The following AGPS variants were observed in gnomAD, a reference collection of about 807,000 sequenced individuals.
AGPS encodes alkylglycerone phosphate synthase.
AGPS carries 26 observed loss-of-function variants against 90.7 expected under a neutral mutation model. The ratio of observed to expected loss-of-function variants is 0.29; its 90% CI spans 0.21 to 0.40. The LOEUF is 0.40. Among genes scored for constraint, AGPS ranks in the 10% least tolerant of loss-of-function variants. The pLI is 1.00. For missense variants in AGPS, 540 were observed against 816.1 expected, an observed-to-expected ratio of 0.66 and a Z score of 4.12; for synonymous variants, 294 against 285.3, an observed-to-expected ratio of 1.03 and a Z score of -0.31.
chr2:177,393,627 A>G (rs1574333526), intron 1 of AGPS: 5 of 959,940 alleles, frequency 5.2e-6, no homozygotes, highest in East Asian at 2.3e-4. Context: ...AACACTAGCT[A>G]GTGGTTTAAG....
intron 17 of AGPS, among the ~76,000 whole-genome samples, chr2:177,518,509 A>G (rs1029172016): frequency 1.3e-5 from 2 of 152,102 alleles, no homozygotes; most frequent in Non-Finnish European, 2.9e-5. Context: ...TTCTTATATC[A>G]TCTCCTAATC....
chr2:177,451,870 T>C (rs939014163), intron 8 of AGPS, among the ~76,000 whole-genome samples: 5 of 152,152 alleles, frequency 3.3e-5, no homozygotes, highest in Admixed American at 2.0e-4. Flanking sequence ...ATGCCACCAA[T>C]TTTGATATGT....
intron 10 of AGPS, among the ~76,000 whole-genome samples, chr2:177,471,814 C>T (rs1033329587): frequency 3.9e-5 from 6 of 152,110 alleles, no homozygotes; most frequent in African/African-American, 1.4e-4. Flanking sequence ...GTGAATATAC[C>T]TTTTGGTCAT....
At chr2:177,414,125 A>G (rs1685717609) in intron 1 of AGPS, among the ~76,000 whole-genome samples, 1 of 150,988 alleles carries the variant, frequency 6.6e-6, no homozygotes, top group South Asian at 2.1e-4. Flanking sequence ...TTTTTCTTTC[A>G]CTCATTTATT....
rs1688022137 is a variant in AGPS, at chr2:177,483,997, A to C, written c.1233+1811A>C. On this transcript the variant is annotated intron_variant, in intron 11 of 19. Transcript: ENST00000264167. ...CCTATGAATTAATACATAAAAGAAC[A>C]GGAAGCTAGGGTGTTTTTTTTTTTT... Among the ~76,000 whole-genome samples the C allele has an allele frequency of 2.7e-5, 3 of 110,186 alleles. No homozygotes were observed. In the Admixed American group the frequency reaches 3.3e-4, roughly 12 times the overall value. 72.3% of individuals were successfully genotyped at this position (110,186 alleles called of 152,430 possible). A position where few individuals can be genotyped will look rare whatever the true frequency, so the allele number is the denominator to read the frequency against.
intron 1 of AGPS, among the ~76,000 whole-genome samples, chr2:177,408,513 C>T (rs1395071452): frequency 2.0e-5 from 3 of 152,120 alleles, no homozygotes; most frequent in Non-Finnish European, 4.4e-5. Flanking sequence ...TCCAGATAGT[C>T]CTTTGTAAGA....
chr2:177,488,302 T>A (rs1271768294), intron 11 of AGPS, among the ~76,000 whole-genome samples: 1 of 151,712 alleles, frequency 6.6e-6, no homozygotes, highest in Non-Finnish European at 1.5e-5. Flanking sequence ...AAGCTCCACC[T>A]CCCAGGTTCA....
At chr2:177,496,624 T>C (rs1688420507) in intron 12 of AGPS, among the ~76,000 whole-genome samples, 1 of 152,150 alleles carries the variant, frequency 6.6e-6, no homozygotes, top group African/African-American at 2.4e-5. Flanking sequence ...ATAGCATAGA[T>C]ATCTAATTCT....
In AGPS at chr2:177,493,145, C is replaced by A. The variant is rs774372584; in HGVS notation, c.1234-3C>A. On this transcript the variant is annotated splice_polypyrimidine_tract_variant and splice_region_variant and intron_variant, in intron 11 of 19. Coordinates refer to ENST00000264167, the MANE Select transcript of AGPS (RefSeq NM_003659.4). Reference sequence around the variant, plus strand: ...ATCACTTTTTTTTTTCTTTTTAAAACAGAGATGTGCTCCGGCATCTATTCG... The same window carrying A: ...ATCACTTTTTTTTTTCTTTTTAAAAAAGAGATGTGCTCCGGCATCTATTCG... The A allele has an allele frequency of 1.9e-6, 3 of 1,610,394 alleles. No individual in the cohort carries two copies. The East Asian group carries it at 6.7e-5, about 36-fold the overall frequency.
intron 10 of AGPS, 130 bp downstream of exon 10, chr2:177,468,654 A>G (rs1294204029): frequency 2.9e-6 from 2 of 682,536 alleles, no homozygotes; most frequent in Non-Finnish European, 4.9e-6. Context: ...TTAAATTTTT[A>G]TCATTTTAAG....
Position 177,392,855 on chromosome 2 carries a change from A to AGCGGACCGGGACCGGGACCCGGAC in AGPS, c.67_90dup (p.Ala23_Asp30dup). 6.4e-7 allele frequency: 1 copy of AGCGGACCGGGACCGGGACCCGGAC among 1,553,778 alleles called. No homozygotes were observed. Among genetic ancestry groups the AGCGGACCGGGACCGGGACCCGGAC allele is most frequent in the East Asian group, 2.4e-5 (1 of 41,184 alleles). ...GCGCGGGCGCGAGCTACGGGTCTGC[A>AGCGGACCGGGACCGGGACCCGGAC]GCGGACCGGGACCGGGACCCGGACC... On this transcript the variant is annotated inframe_insertion, in exon 1 of 20. Coordinates refer to ENST00000264167, the MANE Select transcript of AGPS (RefSeq NM_003659.4).
Position 177,499,602 on chromosome 2 carries a change from T to A in AGPS, c.1363-16T>A, listed in dbSNP as rs1195837106. On this transcript the variant is annotated splice_polypyrimidine_tract_variant and intron_variant, in intron 13 of 19. Transcript: ENST00000264167. ...ATAAGACTTATCTGTAATAATAAAT[T>A]TTTTTTTTTTTGTAGTTTAAAGGAT... The A allele has an allele frequency of 7.0e-7, 1 of 1,424,792 alleles. No individual in the cohort carries two copies. Among genetic ancestry groups the A allele is most frequent in the Non-Finnish European group, 9.8e-7 (1 of 1,024,984 alleles). The allele number at this position is 1,424,792 out of a possible 1,614,324, so 88.3% of individuals were successfully genotyped here.
intron 17 of AGPS, among the ~76,000 whole-genome samples, chr2:177,518,436 CA>C (rs1340249998): frequency 6.6e-6 from 1 of 151,264 alleles, no homozygotes; most frequent in Non-Finnish European, 1.5e-5. Flanking sequence ...AACTACATCT[CA>C]AAAGAAAAAA....
chr2:177,464,439 AAGC>A (rs1366563391), intron 9 of AGPS, among the ~76,000 whole-genome samples: 1 of 152,252 alleles, frequency 6.6e-6, no homozygotes, highest in Non-Finnish European at 1.5e-5. Context: ...TATTTAATTA[AAGC>A]ACAGTAACGA....
At chr2:177,518,787 T>C (rs1664693530) in intron 17 of AGPS, among the ~76,000 whole-genome samples, 1 of 151,582 alleles carries the variant, frequency 6.6e-6, no homozygotes, top group Admixed American at 6.6e-5. Flanking sequence ...GTTGCTCAGA[T>C]TTTCCCAGTG....
chr2:177,438,105 T>C lies in AGPS; in HGVS notation c.637+1051T>C, dbSNP rs545417960. ...TTTAGGTTACTTCTCTACCAAGATT[T>C]GGAGAAGGTTTATTCCATTTATTAC... On this transcript the variant is annotated intron_variant, in intron 5 of 19. Transcript: ENST00000264167. Among the ~76,000 whole-genome samples the C allele has an allele frequency of 1.4e-4, 21 of 152,340 alleles. No homozygotes were observed. In the South Asian group the frequency reaches 4.4e-3, roughly 32 times the overall value.
At chr2:177,498,279 A>G (rs1265163396) in intron 13 of AGPS, among the ~76,000 whole-genome samples, 1 of 150,404 alleles carries the variant, frequency 6.6e-6, no homozygotes, top group South Asian at 2.1e-4. Flanking sequence ...CATTTTTTTT[A>G]TTTTCTAGAT....
chr2:177,402,775 G>A (rs1685364906), intron 1 of AGPS, among the ~76,000 whole-genome samples: 1 of 152,036 alleles, frequency 6.6e-6, no homozygotes, highest in Non-Finnish European at 1.5e-5. Context: ...TTCGTCTACT[G>A]GCTGGCCGCG....
At chr2:177,535,656 G>C (rs1369186732) in intron 19 of AGPS, among the ~76,000 whole-genome samples, 1 of 152,118 alleles carries the variant, frequency 6.6e-6, no homozygotes, top group Non-Finnish European at 1.5e-5. Flanking sequence ...TGTTGTTAAG[G>C]CATATTGAAC....
Sources: gnomAD v4.1 joint callset for allele counts (sites outside exome capture counted in the v4.1 genomes callset) on GRCh38, gnomAD v4.1.1 for gene constraint, MANE v1.5 for transcripts, NCBI Gene and HGNC (gene_info 2026-07-23, HGNC 2026-07-21) for gene names.